S1PR3: variants seen among roughly 807,000 people sequenced by gnomAD.
S1PR3 encodes the protein sphingosine 1-phosphate receptor 3.
Under a neutral mutation model 13.3 loss-of-function variants are expected in S1PR3, and 12 were observed. The ratio of observed to expected loss-of-function variants is 0.90; its 90% CI spans 0.58 to 1.46. The LOEUF is 1.46. Among genes scored for constraint, S1PR3 ranks in the 40% most tolerant of loss-of-function variants. The pLI is 0.00. For missense variants in S1PR3, 450 were observed against 501.9 expected, an observed-to-expected ratio of 0.90 and a Z score of 0.99; for synonymous variants, 232 against 214.0, an observed-to-expected ratio of 1.08 and a Z score of -0.73.
At chr9:88,995,611 T>G (rs906182843) in intron 1 of S1PR3, 2 of 167,100 alleles carry the variant, frequency 1.2e-5, no homozygotes, top group African/African-American at 4.8e-5. Context: ...GTAGGCTGGA[T>G]GAACCCAGCT....
Position 89,002,203 on chromosome 9 carries a change from A to G in S1PR3, c.1003A>G (p.Ser335Gly), listed in dbSNP as rs1353337440. The change falls in exon 2 of 2, where the codon AGC (serine) becomes GGC (glycine). Residue 335 changes from serine (S) to glycine (G), a missense_variant. Transcript: ENST00000358157. Reference sequence around the variant, plus strand: ...ACCCATCCAGCCTGCGCTCGACCCAAGCAGAAGTAAATCAAGCAGCAGCAA... The same window carrying G: ...ACCCATCCAGCCTGCGCTCGACCCAGGCAGAAGTAAATCAAGCAGCAGCAA... ...ASPIQPALDP[S>G]RSKSSSSNNS... is the part of the protein sequence containing the mutation. 1.2e-6 allele frequency: 2 copies of G among 1,613,986 alleles called. No homozygotes were observed. The highest frequency in any genetic ancestry group is 2.2e-5 in the South Asian group (2 of 91,070).
Position 88,991,629 on chromosome 9 carries a change from G to A in S1PR3, c.-214G>A, listed in dbSNP as rs1825708696. On this transcript the variant is annotated 5_prime_UTR_variant, in exon 1 of 2. Coordinates refer to ENST00000358157, the MANE Select transcript of S1PR3 (RefSeq NM_005226.4). The surrounding 1 kb of genome is among the most constrained non-coding windows in gnomAD (Gnocchi z 4.0). ...ATCTGGCATTCGAGCGCAGGACCGG[G>A]CGCCCCGGCACCGCCGCGCGCCACC... 2.0e-6 allele frequency: 3 copies of A among 1,534,682 alleles called. No individual in the cohort carries two copies. The East Asian group carries it at 7.6e-5, about 39-fold the overall frequency.
At chr9:89,000,900 T>G in intron 1 of S1PR3, 154 bp from the exon 2 acceptor site, 1 of 411,846 alleles carries the variant, frequency 2.4e-6, no homozygotes, top group Non-Finnish European at 4.4e-6. Flanking sequence ...ACTTAGGAAT[T>G]TAGCCTGTGT....
intron 1 of S1PR3, chr9:88,997,724 A>G (rs7858626): frequency 0.56 from 84,686 of 152,082 alleles, 25,003 homozygotes; most frequent in African/African-American, 0.76. Flanking sequence ...GTATCCCAGC[A>G]ATCTGTAGGA....
intron 1 of S1PR3, chr9:88,992,187 C>T: frequency 1.5e-6 from 1 of 687,148 alleles, no homozygotes; most frequent in Admixed American, 2.9e-5. Context: ...TAATGAGGTT[C>T]CCACGGAAAA....
At position 89,004,757 on chromosome 9, in the gene S1PR3, G is replaced by T. The variant is rs996035313; in HGVS notation, c.*2420G>T. On this transcript the variant is annotated 3_prime_UTR_variant, in exon 2 of 2. Coordinates refer to ENST00000358157, the MANE Select transcript of S1PR3 (RefSeq NM_005226.4). The stretch of plus-strand genomic sequence containing the variant: ...AAAAATACATCAAAAAAGTAATAGC[G>T]CTCATTTGCTAAATGCAAAAAATAA... 6.0e-6 allele frequency: 1 copy of T among 166,998 alleles called. No homozygotes were observed. Among genetic ancestry groups the T allele is most frequent in the African/African-American group, 2.4e-5 (1 of 41,418 alleles). 10.3% of individuals were successfully genotyped at this position (166,998 alleles called of 1,614,324 possible). A position where few individuals can be genotyped will look rare whatever the true frequency, so the allele number is the denominator to read the frequency against.
chr9:88,995,518 C>G (rs1353773996), intron 1 of S1PR3: 1 of 166,834 alleles, frequency 6.0e-6, no homozygotes, highest in Non-Finnish European at 1.5e-5. Context: ...AACTTGGGGT[C>G]ATCCACTGCA....
Position 89,002,438 on chromosome 9 carries a change from C to A in S1PR3, c.*101C>A. The A allele has an allele frequency of 7.3e-7, 1 of 1,372,850 alleles. No homozygotes were observed. The highest frequency in any genetic ancestry group is 1.0e-6 in the Non-Finnish European group (1 of 1,004,732). The allele number at this position is 1,372,850 out of a possible 1,614,324, so 85.0% of individuals were successfully genotyped here. A position where few individuals can be genotyped will look rare whatever the true frequency, so the allele number is the denominator to read the frequency against. On this transcript the variant is annotated 3_prime_UTR_variant, in exon 2 of 2. Transcript: ENST00000358157. ...GCTGTGACTCGGGAGAGCTACCTTA[C>A]TTTGACCAACAGCCTGCCCAGTGTG...
chr9:88,999,756 C>T (rs1825846087), intron 1 of S1PR3: 1 of 152,130 alleles, frequency 6.6e-6, no homozygotes, highest in Non-Finnish European at 1.5e-5. Flanking sequence ...AATCCCAGCA[C>T]TTTGGGAGGC....
chr9:88,991,472 GC>G lies in S1PR3; in HGVS notation c.-369del. 1.9e-6 allele frequency: 3 copies of G among 1,547,390 alleles called. No individual in the cohort carries two copies. Among genetic ancestry groups the G allele is most frequent in the Non-Finnish European group, 2.6e-6 (3 of 1,145,842 alleles). On this transcript the variant is annotated 5_prime_UTR_variant, in exon 1 of 2. Transcript: ENST00000358157. This position sits in a 1 kb window ranked among gnomAD's most constrained non-coding sequence, Gnocchi z 4.0. ...TAGTCTCTGACTCGCTCGGGCAGAG[GC>G]CGAGGAAGCCGGTTCCGGGGACGGG...
At position 89,001,513 on chromosome 9, in the gene S1PR3, A is replaced by C. The variant is rs373882187; in HGVS notation, c.313A>C (p.Ser105Arg). 1 of 1,614,122 alleles carries C rather than the reference A, an allele frequency of 6.2e-7. No individual in the cohort carries two copies. Among genetic ancestry groups the C allele is most frequent in the African/African-American group, 1.3e-5 (1 of 74,952 alleles). The stretch of plus-strand genomic sequence containing the variant: ...TCTGATGTCTGGCAAGAAGACGTTC[A>C]GCCTGTCTCCCACGGTCTGGTTCCT... ...NILMSGKKTFSLSPTVWFLRE... is the reference protein window; with the variant it reads ...NILMSGKKTFRLSPTVWFLRE... Residue 105 changes from serine (S) to arginine (R), a missense_variant, in exon 2 of 2, where the codon AGC becomes CGC. Ser to Arg is a moderately radical substitution (Grantham distance 110). Coordinates refer to ENST00000358157, the MANE Select transcript of S1PR3 (RefSeq NM_005226.4).
At chr9:88,995,195 A>G (rs142250356) in intron 1 of S1PR3, 5 of 167,220 alleles carry the variant, frequency 3.0e-5, no homozygotes, top group Non-Finnish European at 7.3e-5. Flanking sequence ...CATGCCTATT[A>G]AAAATATAGC....
rs62637561 is a variant in S1PR3 at position 89,001,698 on chromosome 9, C to T, written c.498C>T (p.Phe166=). The change falls in exon 2 of 2, where the codon TTC becomes TTT. Residue 166 remains phenylalanine (F), a synonymous_variant. Coordinates refer to ENST00000358157, the MANE Select transcript of S1PR3 (RefSeq NM_005226.4). The part of the protein sequence containing the change: ...LLIGMCWLIA[F]TLGALPILGW... ...TCGGGATGTGCTGGCTCATTGCCTT[C>T]ACGCTGGGCGCCCTGCCCATTCTGG... 2,537 of 1,614,220 alleles carry T rather than the reference C, an allele frequency of 1.6e-3. 33 individuals are homozygous for T. The African/African-American group carries it at 0.029, about 19-fold the overall frequency.
chr9:88,992,468 G>A (rs1362280268), intron 1 of S1PR3: 3 of 159,400 alleles, frequency 1.9e-5, no homozygotes, highest in Non-Finnish European at 2.7e-5. Context: ...TCTTTAGAAG[G>A]TTACTTTTAA....
chr9:88,998,457 C>G (rs2118597639), intron 1 of S1PR3: 1 of 152,490 alleles, frequency 6.6e-6, no homozygotes, highest in African/African-American at 2.4e-5. Context: ...GCCTGGGTGA[C>G]AGAATGAGAC....
At position 89,001,891 on chromosome 9, in the gene S1PR3, A is replaced by C. The variant is rs1006455313; in HGVS notation, c.691A>C (p.Asn231His). Residue 231 changes from asparagine (N) to histidine (H), a missense_variant, in exon 2 of 2, where the codon AAC becomes CAC. Transcript: ENST00000358157. ...GAAGTCCAGCAGCCGTAAGGTGGCC[A>C]ACCACAACAACTCGGAGCGGTCCAT... ...LVKSSSRKVA[N>H]HNNSERSMAL... 3.7e-6 allele frequency: 6 copies of C among 1,614,134 alleles called. No individual in the cohort carries two copies. Among genetic ancestry groups the C allele is most frequent in the Admixed American group, 1.7e-5 (1 of 60,016 alleles).
At chr9:88,993,015 C>G (rs1250599659) in intron 1 of S1PR3, 1 of 152,604 alleles carries the variant, frequency 6.6e-6, no homozygotes, top group Non-Finnish European at 1.5e-5. Context: ...TTAAGAGCCT[C>G]CCCCTAAGAT....
intron 1 of S1PR3, chr9:88,997,893 C>G (rs969842675): frequency 6.6e-5 from 10 of 152,444 alleles, no homozygotes; most frequent in African/African-American, 2.2e-4. Flanking sequence ...GGGCACTGTT[C>G]ACAGACTGCC....
At chr9:88,992,799 T>C (rs7863572) in intron 1 of S1PR3, 76,336 of 151,262 alleles carry the variant, frequency 0.5, 19,886 homozygotes, top group African/African-American at 0.62. Context: ...TGTGTGTGTG[T>C]GCGCTTGAGG....
Sources: gnomAD v4.1 joint callset for allele counts on GRCh38, gnomAD v4.1.1 for gene constraint, Gnocchi (gnomAD v3.1) non-coding constraint, MANE v1.5 for transcripts, NCBI Gene and HGNC (gene_info 2026-07-23, HGNC 2026-07-21) for gene names.